Variants in FERMT1 observed in about 807,000 individuals in gnomAD.
FERMT1 encodes FERM domain containing kindlin 1.
In FERMT1, 60 loss-of-function variants were observed where a neutral mutation model predicts 85.3. The observed-to-expected ratio is 0.70, with a 90% confidence interval of 0.57 to 0.87. FERMT1 has a LOEUF of 0.87. FERMT1 is among the 40% of genes least tolerant of loss of function. The probability of loss-of-function intolerance (pLI) is 0.00; values close to 1 mark genes in which losing one functional copy is unlikely to be tolerated. For synonymous variants in FERMT1, 275 were observed against 301.1 expected (o/e 0.91, Z 0.90); for missense variants, 701 against 818.9 (o/e 0.86, Z 1.76).
chr20:6,121,670 G>A (rs1351139207), intron 1 of FERMT1, among the ~76,000 whole-genome samples: 1 of 152,186 alleles, frequency 6.6e-6, no homozygotes, highest in Admixed American at 6.5e-5. Context: ...TAGAAATGAG[G>A]AAACTCAGCC....
chr20:6,085,846 C>CAAA (rs10700226), intron 11 of FERMT1, among the ~76,000 whole-genome samples: 2,705 of 140,794 alleles, frequency 0.019, 42 homozygotes, highest in Middle Eastern at 0.047. Context: ...AATACTTTGT[C>CAAA]AAAAAAAAAA....
rs909473806 is a variant in FERMT1, at chr20:6,086,991, G to A, written c.1371+786C>T. 4.6e-5 allele frequency among the ~76,000 whole-genome samples: 7 copies of A among 152,230 alleles called. No homozygotes were observed. In the East Asian group the frequency reaches 1.4e-3, roughly 29 times the overall value. ...CTTTACAGTTCCTCCCACCAGGGAG[G>A]AATTCCCATCCCTTGACTGCAGGCT... is the stretch of plus-strand genomic sequence containing the variant. On this transcript the variant is annotated intron_variant, in intron 11 of 14. Coordinates refer to ENST00000217289, the MANE Select transcript of FERMT1 (RefSeq NM_017671.5).
At chr20:6,089,957 C>T (rs115879968) in intron 9 of FERMT1, among the ~76,000 whole-genome samples, 4,612 of 152,118 alleles carry the variant, frequency 0.03, 100 homozygotes, top group South Asian at 0.057. Context: ...GAAACCTGGC[C>T]GTGGGGGCAG....
Position 6,093,670 on chromosome 20 carries a change from A to G in FERMT1, c.1139+1269T>C, listed in dbSNP as rs138171007. On this transcript the variant is annotated intron_variant, in intron 9 of 14. Transcript: ENST00000217289. Reference sequence around the variant, plus strand: ...TTATGCCAGGGAAGTTAAATGAATGACCCTGACCGGGCGTGGTGGCTCACG... The same window carrying G: ...TTATGCCAGGGAAGTTAAATGAATGGCCCTGACCGGGCGTGGTGGCTCACG... Among the ~76,000 whole-genome samples, 724 of 152,298 alleles carry G rather than the reference A, an allele frequency of 4.8e-3. 3 individuals are homozygous for G. Among genetic ancestry groups the G allele is most frequent in the African/African-American group, 0.015 (620 of 41,578 alleles).
At chr20:6,120,383 C>G (rs1232868535) in intron 1 of FERMT1, 2 of 152,318 alleles carry the variant, frequency 1.3e-5, no homozygotes. Context: ...AAAAAGCTCA[C>G]TCTTCAAAGT....
intron 6 of FERMT1, among the ~76,000 whole-genome samples, chr20:6,102,750 C>T (rs1982696022): frequency 6.6e-6 from 1 of 151,596 alleles, no homozygotes; most frequent in African/African-American, 2.4e-5. Flanking sequence ...GTTCTGCCAC[C>T]TCTCCACTCC....
At chr20:6,088,934 T>C (rs747079114) in intron 10 of FERMT1, 31 bp downstream of exon 10, 3 of 1,602,352 alleles carry the variant, frequency 1.9e-6, no homozygotes, top group Admixed American at 3.4e-5. Flanking sequence ...TGACTTACGA[T>C]GAGCCACAGC....
chr20:6,077,927 G>A (rs981073078), intron 14 of FERMT1, among the ~76,000 whole-genome samples: 11 of 152,130 alleles, frequency 7.2e-5, no homozygotes, highest in Non-Finnish European at 1.5e-4. Context: ...AGTGATCCAT[G>A]CCTCGGACCC....
chr20:6,089,536 G>A (rs1330817520), intron 9 of FERMT1, among the ~76,000 whole-genome samples: 1 of 152,130 alleles, frequency 6.6e-6, no homozygotes, highest in Non-Finnish European at 1.5e-5. Context: ...TTGGAATCTC[G>A]GCATACTTTT....
At chr20:6,091,937 ATTT>A (rs3060080) in intron 9 of FERMT1, among the ~76,000 whole-genome samples, 8 of 142,432 alleles carry the variant, frequency 5.6e-5, no homozygotes, top group Admixed American at 7.0e-5. Flanking sequence ...TCTCGTTAGA[ATTT>A]TTTTTTTTTT....
chr20:6,117,984 G>C (rs893926836), intron 2 of FERMT1, among the ~76,000 whole-genome samples: 3 of 152,204 alleles, frequency 2.0e-5, no homozygotes, highest in Non-Finnish European at 4.4e-5. Flanking sequence ...TCTTAATGCT[G>C]TTAGTAGAAG....
At chr20:6,089,639 T>G (rs1982292512) in intron 9 of FERMT1, among the ~76,000 whole-genome samples, 1 of 152,220 alleles carries the variant, frequency 6.6e-6, no homozygotes, top group Non-Finnish European at 1.5e-5. Context: ...TTTCTGTAGT[T>G]TCCTCTTCAC....
Position 6,085,137 on chromosome 20 carries a change from G to C in FERMT1, c.1522C>G (p.Leu508Val), listed in dbSNP as rs1434395632. The C allele has an allele frequency of 6.2e-7, 1 of 1,614,194 alleles. No individual in the cohort carries two copies. Among genetic ancestry groups the C allele is most frequent in the Non-Finnish European group, 8.5e-7 (1 of 1,180,034 alleles). The change falls in exon 12 of 15, where the codon CTC becomes GTC. Residue 508 changes from leucine (L) to valine (V), a missense_variant. Coordinates refer to ENST00000217289, the MANE Select transcript of FERMT1 (RefSeq NM_017671.5). The part of the protein sequence containing the change: ...RNSASQVASS[L>V]ENMDMNPECF... ...TCTGGGTTCATATCCATGTTTTCGA[G>C]ACTGGAAGCCACCTGAGATGCAGAG...
intron 1 of FERMT1, among the ~76,000 whole-genome samples, chr20:6,121,654 C>G (rs1290125200): frequency 6.6e-6 from 1 of 152,222 alleles, no homozygotes; most frequent in Non-Finnish European, 1.5e-5. Context: ...TCTCAGCAAT[C>G]TCATTTAGAA....
At position 6,110,309 on chromosome 20, in the gene FERMT1, C is replaced by G. The variant is rs1379269302; in HGVS notation, c.735G>C (p.Lys245Asn). Residue 245 changes from lysine (K) to asparagine (N), a missense_variant, in exon 5 of 15, where the codon AAG (lysine) becomes AAC (asparagine). Lys to Asn is a moderately conservative substitution (Grantham distance 94). Transcript: ENST00000217289. The part of the protein sequence containing the change: ...YQPRSLVDKA[K>N]LNAGWLDSSR... The stretch of plus-strand genomic sequence containing the variant: ...AGCCGTGTCCTTACCCTGCATTGAG[C>G]TTGGCTTTATCAACCAGAGACCGAG... 6.2e-7 allele frequency: 1 copy of G among 1,612,486 alleles called. No individual in the cohort carries two copies. The highest frequency in any genetic ancestry group is 2.2e-5 in the East Asian group (1 of 44,886).
At chr20:6,116,549 A>G (rs6053916) in intron 2 of FERMT1, among the ~76,000 whole-genome samples, 15,896 of 151,884 alleles carry the variant, frequency 0.1, 895 homozygotes, top group African/African-American at 0.14. Context: ...CCTACATGGC[A>G]AAACCCTGTC....
chr20:6,083,820 C>T (rs1344312380), intron 13 of FERMT1, among the ~76,000 whole-genome samples: 2 of 151,982 alleles, frequency 1.3e-5, no homozygotes, highest in African/African-American at 4.8e-5. Context: ...TTAAAATTTC[C>T]TTTCCCACAT....
intron 9 of FERMT1, among the ~76,000 whole-genome samples, 174 bp from the exon 10 acceptor site, chr20:6,089,263 A>T (rs553114149): frequency 6.6e-6 from 1 of 152,260 alleles, no homozygotes; most frequent in African/African-American, 2.4e-5. Flanking sequence ...CTGATATGTG[A>T]TGTAGATTTT....
intron 3 of FERMT1, among the ~76,000 whole-genome samples, chr20:6,114,922 T>C (rs973728880): frequency 2.0e-5 from 3 of 152,128 alleles, no homozygotes; most frequent in African/African-American, 7.2e-5. Context: ...TATTGGTTAG[T>C]GTCTGTCTCT....
Sources: allele counts gnomAD v4.1 joint callset (sites outside exome capture counted in the v4.1 genomes callset), GRCh38; gene constraint gnomAD v4.1.1; transcripts MANE v1.5; gene names NCBI Gene and HGNC (gene_info 2026-07-23, HGNC 2026-07-21).